Variants in CCDC73 observed in about 807,000 individuals in gnomAD.
CCDC73 encodes coiled-coil domain-containing protein 73.
CCDC73 carries 95 observed loss-of-function variants against 116.5 expected under a neutral mutation model. That is an observed-to-expected ratio of 0.82 (90% CI 0.69 to 0.97). The LOEUF (loss-of-function observed/expected upper bound fraction) is 0.97. Ranked by LOEUF, CCDC73 falls within the 50% of genes least tolerant of loss-of-function variation. The pLI, the probability that CCDC73 is intolerant of heterozygous loss-of-function variation, is 0.00. For synonymous variants in CCDC73, 398 were observed against 401.3 expected (o/e 0.99, Z 0.10); for missense variants, 1,066 against 1,206.8 (o/e 0.88, Z 1.73).
At chr11:32,826,107 C>G in the CCDC73 span, among the ~76,000 whole-genome samples, 2 of 152,146 alleles carry the variant, frequency 1.3e-5, no homozygotes, top group African/African-American at 4.8e-5. Context: ...TCAAAAGTGT[C>G]CTTAAAGGGC....
At chr11:32,657,805 A>C (rs911188705) in intron 9 of CCDC73, among the ~76,000 whole-genome samples, 1 of 152,068 alleles carries the variant, frequency 6.6e-6, no homozygotes, top group African/African-American at 2.4e-5. Flanking sequence ...GTTCAAAACT[A>C]TTCTGGGCAA....
At chr11:32,672,017 T>A (rs114032504) in intron 9 of CCDC73, among the ~76,000 whole-genome samples, 1,802 of 152,282 alleles carry the variant, frequency 0.012, 35 homozygotes, top group African/African-American at 0.041. Context: ...ATGAGCCTCA[T>A]CTACATCCAT....
intron 15 of CCDC73, 107 bp from the exon 16 acceptor site, chr11:32,615,049 T>C: frequency 1.6e-6 from 1 of 632,082 alleles, no homozygotes; most frequent in Admixed American, 3.3e-5. Flanking sequence ...CCTTAAATAT[T>C]TTATGGGTCA....
At chr11:32,665,511 G>T (rs1041986389) in intron 9 of CCDC73, among the ~76,000 whole-genome samples, 7 of 152,044 alleles carry the variant, frequency 4.6e-5, no homozygotes, top group Non-Finnish European at 1.0e-4. Flanking sequence ...CATTTGCTTG[G>T]TAGATCTTCC....
At chr11:32,610,678 G>A (rs1340601892) in intron 17 of CCDC73, among the ~76,000 whole-genome samples, 1 of 152,004 alleles carries the variant, frequency 6.6e-6, no homozygotes, top group Admixed American at 6.6e-5. Context: ...AGTATCACAT[G>A]GATACTTGAT....
chr11:32,785,359 G>C (rs914841995), intron 1 of CCDC73, among the ~76,000 whole-genome samples: 8 of 152,110 alleles, frequency 5.3e-5, no homozygotes, highest in African/African-American at 1.7e-4. Context: ...TGCTGTTACA[G>C]ACAGCTTGAC....
the CCDC73 span, among the ~76,000 whole-genome samples, chr11:32,823,672 A>G: frequency 1.2e-4 from 19 of 152,130 alleles, no homozygotes; most frequent in Non-Finnish European, 1.6e-4. Flanking sequence ...ATTCTGTAAT[A>G]ATATCACCTG....
intron 14 of CCDC73, among the ~76,000 whole-genome samples, chr11:32,626,006 A>C (rs1181716103): frequency 7.2e-6 from 1 of 139,310 alleles, no homozygotes; most frequent in Admixed American, 7.1e-5. Context: ...AAGGAAATAA[A>C]GGGTATTCAA....
chr11:32,675,601 A>C lies in CCDC73; in HGVS notation c.609T>G (p.Asn203Lys). 1 of 1,590,378 alleles carries C rather than the reference A, an allele frequency of 6.3e-7. No homozygotes were observed. The highest frequency in any genetic ancestry group is 8.5e-7 in the Non-Finnish European group (1 of 1,172,648). ...TGCATATTTCAGCTTCTTGTTTTTTATTTAAAGCTGAAAGTCTTTTGTTTG... is the reference window on the plus strand; with the variant it reads ...TGCATATTTCAGCTTCTTGTTTTTTCTTTAAAGCTGAAAGTCTTTTGTTTG... The part of the protein sequence containing the change: ...IQSNKRLSAL[N>K]KKQEAEICSL... Residue 203 changes from asparagine (N) to lysine (K), a missense_variant, in exon 9 of 18, where the codon AAT (asparagine) becomes AAG (lysine). Physicochemically the swap from Asn to Lys is moderately conservative, Grantham distance 94 (BLOSUM62 0). Coordinates refer to ENST00000335185, the MANE Select transcript of CCDC73 (RefSeq NM_001008391.4).
chr11:32,630,115 G>A (rs1483859494), intron 14 of CCDC73, among the ~76,000 whole-genome samples: 1 of 151,966 alleles, frequency 6.6e-6, no homozygotes, highest in African/African-American at 2.4e-5. Flanking sequence ...ATAATATATG[G>A]TAGGTTTTAT....
chr11:32,645,113 G>T lies in CCDC73; in HGVS notation c.940-3031C>A, dbSNP rs189964700. Among the ~76,000 whole-genome samples the T allele has an allele frequency of 2.4e-3, 371 of 152,122 alleles. 5 individuals carry two copies. Among genetic ancestry groups the T allele is most frequent in the Admixed American group, 0.023 (348 of 15,280 alleles). The stretch of plus-strand genomic sequence containing the variant: ...ACACATTAGCCTAGGCCTACACAGA[G>T]TCAGGATTATCCATATTATGTCTTC... On this transcript the variant is annotated intron_variant, in intron 12 of 17. Coordinates refer to ENST00000335185, the MANE Select transcript of CCDC73 (RefSeq NM_001008391.4).
At chr11:32,674,400 T>C (rs897714494) in intron 9 of CCDC73, among the ~76,000 whole-genome samples, 1 of 152,172 alleles carries the variant, frequency 6.6e-6, no homozygotes, top group Non-Finnish European at 1.5e-5. Context: ...TACCTACTTC[T>C]TCCTCTTGTA....
At chr11:32,744,422 T>A (rs1850216270) in intron 2 of CCDC73, among the ~76,000 whole-genome samples, 1 of 151,780 alleles carries the variant, frequency 6.6e-6, no homozygotes, top group African/African-American at 2.4e-5. Flanking sequence ...GCTGGCCTCA[T>A]AAAATGATTT....
intron 2 of CCDC73, 150 bp downstream of exon 2, chr11:32,759,959 C>A (rs1461942822): frequency 1.1e-5 from 7 of 612,618 alleles, no homozygotes; most frequent in Non-Finnish European, 2.0e-5. Context: ...TTTACTTAAT[C>A]TGTCCTATTC....
Position 32,616,054 on chromosome 11 carries a change from T to C in CCDC73, c.1261A>G (p.Asn421Asp), listed in dbSNP as rs1400626380. ...KSENTIIQKY[N>D]TEQEIREENM... ...TCTTCCCTTATTTCTTGCTCAGTATTATATTTCTGTATAATGGTGTTTTCT... is the reference window on the plus strand; with the variant it reads ...TCTTCCCTTATTTCTTGCTCAGTATCATATTTCTGTATAATGGTGTTTTCT... The change falls in exon 15 of 18, where the codon AAT becomes GAT. Residue 421 changes from asparagine to aspartate, a missense_variant. Transcript: ENST00000335185. 1.9e-6 allele frequency: 3 copies of C among 1,602,106 alleles called. No homozygotes were observed. The highest frequency in any genetic ancestry group is 2.2e-5 in the East Asian group (1 of 44,532).
intron 1 of CCDC73, among the ~76,000 whole-genome samples, chr11:32,777,259 C>A (rs1051041809): frequency 7.3e-5 from 11 of 151,602 alleles, no homozygotes; most frequent in Non-Finnish European, 1.6e-4. Context: ...CATGTGCCAC[C>A]ACACCCGGCT....
the CCDC73 span, among the ~76,000 whole-genome samples, chr11:32,803,176 C>T: frequency 6.6e-6 from 1 of 152,112 alleles, no homozygotes; most frequent in East Asian, 1.9e-4. Flanking sequence ...TCACTGCAAC[C>T]TCTTCCTCCC....
At chr11:32,706,010 C>A (rs1425288375) in intron 3 of CCDC73, among the ~76,000 whole-genome samples, 3 of 59,002 alleles carry the variant, frequency 5.1e-5, no homozygotes, top group Admixed American at 2.2e-4. Flanking sequence ...TCTATATCAG[C>A]TGAAAAAAAA....
chr11:32,697,633 GC>G (rs1349384381), intron 6 of CCDC73, among the ~76,000 whole-genome samples: 1 of 151,746 alleles, frequency 6.6e-6, no homozygotes, highest in African/African-American at 2.4e-5. Flanking sequence ...AGAGGCGCCT[GC>G]CACCATGCGT....
Sources: allele counts gnomAD v4.1 joint callset (sites outside exome capture counted in the v4.1 genomes callset), GRCh38; gene constraint gnomAD v4.1.1; transcripts MANE v1.5; gene names NCBI Gene and HGNC (gene_info 2026-07-23, HGNC 2026-07-21).